The following ATRNL1 variants were observed in gnomAD, a reference collection of about 807,000 sequenced individuals.
ATRNL1 encodes attractin-like protein 1.
A neutral mutation model predicts 182.7 loss-of-function variants in ATRNL1; 95 were observed. That is an observed-to-expected ratio of 0.52 (90% CI 0.44 to 0.62). ATRNL1 has a LOEUF of 0.62. Among genes scored for constraint, ATRNL1 ranks in the 20% least tolerant of loss-of-function variants. The probability of loss-of-function intolerance (pLI) is 0.00; values close to 1 mark genes in which losing one functional copy is unlikely to be tolerated. For missense variants in ATRNL1, 1,471 were observed against 1,679.5 expected (o/e 0.88, Z 2.17); for synonymous variants, 576 against 568.3 (o/e 1.01, Z -0.19).
At chr10:115,660,170 A>T (rs1555037351) in intron 26 of ATRNL1, among the ~76,000 whole-genome samples, 1 of 152,120 alleles carries the variant, frequency 6.6e-6, no homozygotes, top group Non-Finnish European at 1.5e-5. Context: ...GAAGAAGAGT[A>T]ATCAGATTTC....
At chr10:115,908,599 C>T (rs1952573690) in intron 28 of ATRNL1, among the ~76,000 whole-genome samples, 2 of 152,160 alleles carry the variant, frequency 1.3e-5, no homozygotes, top group South Asian at 4.1e-4. Context: ...GTCCCTGTTG[C>T]CATGTAGAAT....
chr10:115,742,958 A>G (rs1820592684), intron 27 of ATRNL1, among the ~76,000 whole-genome samples: 1 of 152,158 alleles, frequency 6.6e-6, no homozygotes, highest in Admixed American at 6.6e-5. Flanking sequence ...CAGGAAAGTT[A>G]CAATGAAGGA....
intron 25 of ATRNL1, among the ~76,000 whole-genome samples, chr10:115,531,076 C>T (rs1483594597): frequency 2.6e-5 from 4 of 151,788 alleles, no homozygotes; most frequent in East Asian, 1.9e-4. Flanking sequence ...TGAATAGTGC[C>T]GCAATAAACA....
At chr10:115,432,750 T>C (rs1554964251) in intron 21 of ATRNL1, among the ~76,000 whole-genome samples, 1 of 152,120 alleles carries the variant, frequency 6.6e-6, no homozygotes, top group African/African-American at 2.4e-5. Flanking sequence ...TTGTAAACAT[T>C]GAATTACTCA....
At chr10:115,575,548 T>A (rs561459660) in intron 26 of ATRNL1, among the ~76,000 whole-genome samples, 1 of 152,316 alleles carries the variant, frequency 6.6e-6, no homozygotes, top group South Asian at 2.1e-4. Context: ...TTGCCGTTCC[T>A]GTTAGTGTTT....
intron 1 of ATRNL1, among the ~76,000 whole-genome samples, chr10:115,098,133 A>G (rs1476463402): frequency 1.3e-5 from 2 of 152,158 alleles, no homozygotes; most frequent in Non-Finnish European, 2.9e-5. Context: ...TTACATTATT[A>G]AAGTGTATAA....
chr10:115,503,385 C>T (rs1849944470), intron 24 of ATRNL1, among the ~76,000 whole-genome samples: 1 of 151,784 alleles, frequency 6.6e-6, no homozygotes, highest in African/African-American at 2.4e-5. Flanking sequence ...CAGGCAATAA[C>T]AAACAGGACA....
intron 24 of ATRNL1, among the ~76,000 whole-genome samples, chr10:115,501,285 T>C (rs1849822761): frequency 6.6e-6 from 1 of 152,080 alleles, no homozygotes; most frequent in Non-Finnish European, 1.5e-5. Flanking sequence ...TACCATTAAA[T>C]ACCTATGAGT....
intron 27 of ATRNL1, among the ~76,000 whole-genome samples, chr10:115,840,650 C>A (rs534664823): frequency 6.6e-6 from 1 of 152,154 alleles, no homozygotes; most frequent in African/African-American, 2.4e-5. Context: ...GTTCTCATAA[C>A]CACCACGTTA....
At chr10:115,294,601 G>A (rs1853086949) in intron 15 of ATRNL1, among the ~76,000 whole-genome samples, 1 of 152,054 alleles carries the variant, frequency 6.6e-6, no homozygotes, top group African/African-American at 2.4e-5. Context: ...CTTATGTTGG[G>A]TTCTATTAGT....
chr10:115,788,572 G>A (rs1195379613), intron 27 of ATRNL1, among the ~76,000 whole-genome samples: 2 of 152,070 alleles, frequency 1.3e-5, no homozygotes, highest in Non-Finnish European at 2.9e-5. Context: ...ATGCTTTTGT[G>A]GGGGCAAGGA....
chr10:115,233,635 A>G (rs1473123881), intron 9 of ATRNL1, among the ~76,000 whole-genome samples: 1 of 152,118 alleles, frequency 6.6e-6, no homozygotes, highest in Non-Finnish European at 1.5e-5. Context: ...TTCTTCACTA[A>G]GAATGATGTT....
At chr10:115,271,027 C>T (rs1851837210) in intron 13 of ATRNL1, among the ~76,000 whole-genome samples, 1 of 151,966 alleles carries the variant, frequency 6.6e-6, no homozygotes, top group South Asian at 2.1e-4. Flanking sequence ...GAGGTAAAGT[C>T]CTGGAGTGAT....
intron 25 of ATRNL1, among the ~76,000 whole-genome samples, chr10:115,532,523 G>C (rs1292781238): frequency 9.2e-5 from 14 of 151,950 alleles, no homozygotes; most frequent in Non-Finnish European, 2.1e-4. Context: ...AGGAGATTTT[G>C]GGCTGAGACA....
intron 8 of ATRNL1, among the ~76,000 whole-genome samples, chr10:115,194,080 T>G (rs1477741752): frequency 6.6e-6 from 1 of 152,044 alleles, no homozygotes; most frequent in East Asian, 1.9e-4. Flanking sequence ...ATGATTTTAA[T>G]TGTTTTGAAT....
At chr10:115,481,957 A>G (rs1322066687) in intron 24 of ATRNL1, among the ~76,000 whole-genome samples, 9 of 151,048 alleles carry the variant, frequency 6.0e-5, no homozygotes, top group Admixed American at 5.3e-4. Context: ...GTATTAAAGT[A>G]TGAGTACTAT....
intron 28 of ATRNL1, among the ~76,000 whole-genome samples, chr10:115,900,456 G>C (rs932517073): frequency 2.0e-5 from 3 of 152,134 alleles, no homozygotes; most frequent in Non-Finnish European, 4.4e-5. Flanking sequence ...TAGAAGATAA[G>C]CTACAAAACA....
chr10:115,182,437 C>G (rs1847784108), intron 8 of ATRNL1, among the ~76,000 whole-genome samples: 1 of 151,338 alleles, frequency 6.6e-6, no homozygotes, highest in African/African-American at 2.4e-5. Flanking sequence ...TAGGAAAAAA[C>G]TCAGAAATAT....
chr10:115,279,215 AT>A (rs1261332041), intron 13 of ATRNL1, among the ~76,000 whole-genome samples: 211 of 147,832 alleles, frequency 1.4e-3, no homozygotes, highest in African/African-American at 4.3e-3. Flanking sequence ...AAAAAAAAAA[AT>A]AATAATAATA....
Sources: gnomAD v4.1 joint callset for allele counts (sites outside exome capture counted in the v4.1 genomes callset) on GRCh38, gnomAD v4.1.1 for gene constraint, MANE v1.5 for transcripts, NCBI Gene and HGNC (gene_info 2026-07-23, HGNC 2026-07-21) for gene names.